Variants in MDN1 observed in about 807,000 individuals in gnomAD.
MDN1 encodes midasin.
MDN1 carries 266 observed loss-of-function variants against 669.2 expected under a neutral mutation model. The observed-to-expected ratio is 0.40, with a 90% CI of 0.36 to 0.44. MDN1 has a LOEUF of 0.44. MDN1 is among the 20% of genes least tolerant of loss of function. The pLI, the probability that MDN1 is intolerant of heterozygous loss-of-function variation, is 1.00. For synonymous variants in MDN1, 2,385 were observed against 2,457.1 expected, an observed-to-expected ratio of 0.97 and a Z score of 0.87; for missense variants, 5,940 against 6,754.0, an observed-to-expected ratio of 0.88 and a Z score of 4.22.
rs779101372 is a variant in MDN1, at chr6:89,700,733, C to T, written c.8551G>A (p.Val2851Ile). The T allele has an allele frequency of 6.2e-7, 1 of 1,614,192 alleles. No homozygotes were observed. The highest frequency in any genetic ancestry group is 1.1e-5 in the South Asian group (1 of 91,084). ...WQEDINRLQV[V>I]ASQWTLKKSL... ...TTCTTTAATGTCCACTGAGAAGCAA[C>T]CACTTGGAGACGGTTAATGTCTTCC... Residue 2851 changes from valine (V) to isoleucine (I), a missense_variant, in exon 56 of 102, where the codon GTT (valine) becomes ATT (isoleucine). This residue lies in a region of MDN1 where 2,292 missense variants were observed against 2,638.3 expected (regional missense o/e 0.87). Coordinates refer to ENST00000369393, the MANE Select transcript of MDN1 (RefSeq NM_014611.3).
Position 89,658,662 on chromosome 6 carries a change from G to C in MDN1, c.14969C>G (p.Ala4990Gly). ...QQSVEEKDKE[A>G]DEEGGENGPA... is the part of the protein sequence containing the mutation. ...GCCATTCTCTCCACCTTCTTCATCG[G>C]CTTCCTTGTCTTTTTCCTCCACAGA... The change falls in exon 89 of 102, where the codon GCC becomes GGC. Residue 4990 changes from alanine (A) to glycine (G), a missense_variant. By Grantham distance (60) the Ala-to-Gly change is moderately conservative. This residue lies in a region of MDN1 where 2,280 missense variants were observed against 2,576.3 expected (regional missense o/e 0.88). Coordinates refer to ENST00000369393, the MANE Select transcript of MDN1 (RefSeq NM_014611.3). The C allele has an allele frequency of 6.2e-7, 1 of 1,613,358 alleles. No homozygotes were observed. The highest frequency in any genetic ancestry group is 8.5e-7 in the Non-Finnish European group (1 of 1,179,322).
At chr6:89,780,183 AC>A in intron 11 of MDN1, 28 bp downstream of exon 11, 1 of 1,354,556 alleles carries the variant, frequency 7.4e-7, no homozygotes, top group Non-Finnish European at 1.0e-6. Context: ...CAGAACCAAG[AC>A]AAAAAAGACT....
At chr6:89,754,796 C>T (rs1374757489) in intron 20 of MDN1, among the ~76,000 whole-genome samples, 2 of 152,140 alleles carry the variant, frequency 1.3e-5, no homozygotes, top group Non-Finnish European at 2.9e-5. Flanking sequence ...GATCAATTAG[C>T]ACCACAAGAT....
In MDN1 at chr6:89,658,220, G is replaced by T; in HGVS notation, c.15172C>A (p.Gln5058Lys). The T allele has an allele frequency of 6.2e-7, 1 of 1,614,124 alleles. No individual in the cohort carries two copies. The highest frequency in any genetic ancestry group is 8.5e-7 in the Non-Finnish European group (1 of 1,180,042). Residue 5058 changes from glutamine (Q) to lysine (K), a missense_variant, in exon 90 of 102, where the codon CAG (glutamine) becomes AAG (lysine). By Grantham distance (53) the Gln-to-Lys change is moderately conservative (BLOSUM62 1). Transcript: ENST00000369393. ...AAACCACTGATCACCTCTTTCCCCT[G>T]CTCCTTCTCAGGTGCGGCCCCAGCC... The part of the protein sequence containing the change: ...ELAGAAPEKE[Q>K]GKEEHGSGAA...
At chr6:89,705,742 G>A (rs946198469) in intron 53 of MDN1, among the ~76,000 whole-genome samples, 1 of 152,118 alleles carries the variant, frequency 6.6e-6, no homozygotes, top group Non-Finnish European at 1.5e-5. Flanking sequence ...GAGCAGGAAA[G>A]AAGAAAATAC....
intron 18 of MDN1, 46 bp from the exon 19 acceptor site, chr6:89,758,397 A>G (rs776127132): frequency 6.7e-7 from 1 of 1,485,982 alleles, no homozygotes; most frequent in Non-Finnish European, 9.2e-7. Flanking sequence ...ATGATTATCT[A>G]ATTCCACAGA....
At position 89,698,436 on chromosome 6, in the gene MDN1, A is replaced by G. The variant is rs1452285974; in HGVS notation, c.9168+429T>C. Reference sequence around the variant, plus strand: ...TTGATACAATGGAATAACTTTTAAAAATAAGCTGGAATGACATACACATTT... The same window carrying G: ...TTGATACAATGGAATAACTTTTAAAGATAAGCTGGAATGACATACACATTT... On this transcript the variant is annotated intron_variant, in intron 59 of 101. Coordinates refer to ENST00000369393, the MANE Select transcript of MDN1 (RefSeq NM_014611.3). Among the ~76,000 whole-genome samples, 4 of 152,246 alleles carry G rather than the reference A, an allele frequency of 2.6e-5. No individual in the cohort carries two copies. The East Asian group carries it at 7.7e-4, about 29-fold the overall frequency.
rs1234919889 is a variant in MDN1 at position 89,793,894 on chromosome 6, T to C, written c.723A>G (p.Glu241=). The change falls in exon 5 of 102, where the codon GAA becomes GAG. Residue 241 remains glutamate (E), a synonymous_variant. Transcript: ENST00000369393. ...LEKALVLANP[E]VSLWRKQKEL... ...CCTTCTGCTTACGCCAAAGGGAGAC[T>C]TCTGGATTGGCCAAAACCAAGGCCT... 1.2e-6 allele frequency: 2 copies of C among 1,614,046 alleles called. No individual in the cohort carries two copies. Among genetic ancestry groups the C allele is most frequent in the African/African-American group, 2.7e-5 (2 of 74,942 alleles).
rs776451057 is a variant in MDN1, at chr6:89,745,334, C to T, written c.4117G>A (p.Ala1373Thr). 60 of 1,613,952 alleles carry T rather than the reference C, an allele frequency of 3.7e-5. 2 individuals are homozygous for T. The South Asian group carries it at 5.3e-4, about 14-fold the overall frequency. The change falls in exon 29 of 102, where the codon GCG becomes ACG. Residue 1373 changes from alanine to threonine, a missense_variant. Physicochemically the swap from Ala to Thr is moderately conservative, Grantham distance 58. Around this residue, in one of 5 missense-constraint regions of MDN1, gnomAD observed 2,292 missense variants for 2,638.3 expected, o/e 0.87. Transcript: ENST00000369393. ...TCCAATGCCCTTCCCACTAGCATCG[C>T]GAGTCTCCGCATGCCCTCAGTCCAC... Reference protein sequence around the residue: ...IVWTEGMRRLAMLVGRALEFG... With the variant: ...IVWTEGMRRLTMLVGRALEFG...
At chr6:89,743,085 G>A in intron 31 of MDN1, 65 bp downstream of exon 31, 1 of 1,585,110 alleles carries the variant, frequency 6.3e-7, no homozygotes, top group South Asian at 1.1e-5. Context: ...CACTGTCTCA[G>A]GGAGAAAAAA....
rs747886852 is a variant in MDN1 at position 89,652,172 on chromosome 6, A to C, written c.15915+20T>G. The C allele has an allele frequency of 9.4e-6, 15 of 1,594,660 alleles. No individual in the cohort carries two copies. The highest frequency in any genetic ancestry group is 4.3e-6 in the Non-Finnish European group (5 of 1,171,646). The stretch of plus-strand genomic sequence containing the variant: ...AAAAGTCGAGATATTTTATGAAAAA[A>C]ACAGTGAGCAGTGACTTACCTCCTC... On this transcript the variant is annotated intron_variant, in intron 95 of 101. Coordinates refer to ENST00000369393, the MANE Select transcript of MDN1 (RefSeq NM_014611.3).
chr6:89,797,588 G>A, intron 2 of MDN1: 1 of 405,248 alleles, frequency 2.5e-6, no homozygotes, highest in South Asian at 1.9e-5. Flanking sequence ...AGTAGCAGTT[G>A]GACTGATTTG....
chr6:89,704,164 T>C (rs965073883), intron 53 of MDN1, among the ~76,000 whole-genome samples: 5 of 152,138 alleles, frequency 3.3e-5, no homozygotes, highest in African/African-American at 1.2e-4. Context: ...GTGGATCACC[T>C]GAGGTCAGGA....
At chr6:89,671,847 A>T (rs1810798577) in intron 82 of MDN1, among the ~76,000 whole-genome samples, 1 of 152,248 alleles carries the variant, frequency 6.6e-6, no homozygotes, top group Admixed American at 6.5e-5. Context: ...CGCTTATTGT[A>T]GTGGGAATGG....
At chr6:89,658,487 A>G (rs1809488716) in intron 89 of MDN1, 117 bp from the exon 90 acceptor site, 1 of 1,537,006 alleles carries the variant, frequency 6.5e-7, no homozygotes, top group African/African-American at 1.4e-5. Context: ...ACAGAAACCT[A>G]GAACTCCTCG....
In MDN1 at chr6:89,688,066, G is replaced by A. The variant is rs1812141013; in HGVS notation, c.11355+12C>T. On this transcript the variant is annotated intron_variant, in intron 67 of 101. Transcript: ENST00000369393. Reference sequence around the variant, plus strand: ...CCACCAACTAAAATGAGGAAGAGAGGTATTAGCTCACCTGTGCCTTTGCCA... The same window carrying A: ...CCACCAACTAAAATGAGGAAGAGAGATATTAGCTCACCTGTGCCTTTGCCA... 2.5e-6 allele frequency: 4 copies of A among 1,603,904 alleles called. No individual in the cohort carries two copies. The highest frequency in any genetic ancestry group is 2.2e-5 in the East Asian group (1 of 44,840).
intron 1 of MDN1, among the ~76,000 whole-genome samples, chr6:89,813,770 AAAACACTG>A (rs1480800239): frequency 2.0e-5 from 3 of 151,964 alleles, no homozygotes; most frequent in African/African-American, 7.3e-5. Context: ...TCATTTGCTT[AAAACACTG>A]AAAGTTAAAG....
intron 2 of MDN1, among the ~76,000 whole-genome samples, chr6:89,796,224 T>A (rs1280990926): frequency 6.9e-6 from 1 of 144,354 alleles, no homozygotes; most frequent in African/African-American, 2.6e-5. Context: ...CTCAGGAGGC[T>A]GAGGCAGGAG....
chr6:89,683,173 C>T lies in MDN1; in HGVS notation c.12061G>A (p.Ala4021Thr). The change falls in exon 73 of 102, where the codon GCA becomes ACA. Residue 4021 changes from alanine (A) to threonine (T), a missense_variant. Ala to Thr is a moderately conservative substitution (Grantham distance 58). Around this residue, in one of 5 missense-constraint regions of MDN1, gnomAD observed 2,280 missense variants for 2,576.3 expected, o/e 0.88. Coordinates refer to ENST00000369393, the MANE Select transcript of MDN1 (RefSeq NM_014611.3). ...TGGGCTAACAGGGTCTCCCTCAGTGCCCTGTTCAGATTCTGAATGGAAGAC... is the reference window on the plus strand; with the variant it reads ...TGGGCTAACAGGGTCTCCCTCAGTGTCCTGTTCAGATTCTGAATGGAAGAC... ...ELSSIQNLNR[A>T]LRETLLAQPA... 1 of 1,614,098 alleles carries T rather than the reference C, an allele frequency of 6.2e-7. No individual in the cohort carries two copies. The highest frequency in any genetic ancestry group is 8.5e-7 in the Non-Finnish European group (1 of 1,180,026).
Sources: gnomAD v4.1 joint callset for allele counts (sites outside exome capture counted in the v4.1 genomes callset) on GRCh38, gnomAD v4.1.1 for gene constraint, gnomAD v4.1.1 regional missense constraint, MANE v1.5 for transcripts, NCBI Gene and HGNC (gene_info 2026-07-23, HGNC 2026-07-21) for gene names.